Variants in ANKS1B observed in about 807,000 individuals in gnomAD.
ANKS1B encodes ankyrin repeat and sterile alpha motif domain-containing protein 1B.
Under a neutral mutation model 148.3 loss-of-function variants are expected in ANKS1B, and 36 were observed. The observed-to-expected ratio is 0.24, with a 90% CI of 0.19 to 0.32. The LOEUF is 0.32. Ranked by LOEUF, ANKS1B falls within the 10% of genes least tolerant of loss-of-function variation. ANKS1B has a pLI of 1.00. For missense variants in ANKS1B, 1,157 were observed against 1,542.6 expected (o/e 0.75, Z 4.19); for synonymous variants, 542 against 560.8 (o/e 0.97, Z 0.47).
At chr12:99,521,770 G>C (rs1000011691) in intron 9 of ANKS1B, among the ~76,000 whole-genome samples, 15 of 152,010 alleles carry the variant, frequency 9.9e-5, no homozygotes, top group Non-Finnish European at 1.9e-4. Flanking sequence ...CTGGAACTTG[G>C]GGTATGGTGA....
At chr12:98,963,137 G>A (rs1472455470) in intron 17 of ANKS1B, among the ~76,000 whole-genome samples, 1 of 151,318 alleles carries the variant, frequency 6.6e-6, no homozygotes, top group Non-Finnish European at 1.5e-5. Flanking sequence ...CAATATGAAA[G>A]ATCAATGAAA....
chr12:98,879,163 C>T (rs747837900), intron 17 of ANKS1B, among the ~76,000 whole-genome samples: 4 of 152,146 alleles, frequency 2.6e-5, no homozygotes, highest in African/African-American at 9.7e-5. Context: ...GATGTATTGA[C>T]CTTTGTGGAC....
intron 14 of ANKS1B, among the ~76,000 whole-genome samples, chr12:99,194,017 G>A (rs1217835159): frequency 1.3e-5 from 2 of 151,566 alleles, no homozygotes; most frequent in Non-Finnish European, 2.9e-5. Context: ...GGCCAGGATG[G>A]TCTCAATCTC....
chr12:99,146,754 C>T (rs925995409), intron 15 of ANKS1B, among the ~76,000 whole-genome samples: 1 of 152,076 alleles, frequency 6.6e-6, no homozygotes, highest in Non-Finnish European at 1.5e-5. Flanking sequence ...TGTCCTTCCT[C>T]GGTATCTGCT....
intron 1 of ANKS1B, among the ~76,000 whole-genome samples, chr12:99,958,816 C>T (rs558282401): frequency 6.6e-5 from 10 of 152,156 alleles, no homozygotes; most frequent in Non-Finnish European, 1.5e-4. Flanking sequence ...TCAGGCATGG[C>T]TCTAGAGTTT....
chr12:99,178,891 A>G (rs1033909014), intron 14 of ANKS1B, among the ~76,000 whole-genome samples: 67 of 152,226 alleles, frequency 4.4e-4, no homozygotes, highest in African/African-American at 1.4e-3. Flanking sequence ...CCAAAACCAG[A>G]TATCTCTTCA....
At chr12:99,604,338 A>G (rs2097832337) in intron 9 of ANKS1B, among the ~76,000 whole-genome samples, 1 of 152,154 alleles carries the variant, frequency 6.6e-6, no homozygotes, top group East Asian at 1.9e-4. Context: ...CTTCCCATAT[A>G]ATTTAGCATA....
At chr12:99,782,231 G>T in intron 4 of ANKS1B, 134 bp from the exon 5 acceptor site, 1 of 715,806 alleles carries the variant, frequency 1.4e-6, no homozygotes, top group Non-Finnish European at 2.3e-6. Context: ...GAAAGGTCAT[G>T]TGGAATAAAG....
At chr12:98,920,983 T>C (rs916958116) in intron 17 of ANKS1B, among the ~76,000 whole-genome samples, 15 of 152,216 alleles carry the variant, frequency 9.9e-5, no homozygotes, top group Admixed American at 2.6e-4. Context: ...TCAATACATG[T>C]ATATAATTTA....
chr12:99,279,117 T>C (rs905917903), intron 12 of ANKS1B, among the ~76,000 whole-genome samples: 3 of 152,188 alleles, frequency 2.0e-5, no homozygotes, highest in Admixed American at 1.3e-4. Context: ...ACTGACTGGC[T>C]CCAGGCTGGC....
At chr12:99,497,592 G>A (rs1325063850) in intron 10 of ANKS1B, among the ~76,000 whole-genome samples, 1 of 152,050 alleles carries the variant, frequency 6.6e-6, no homozygotes, top group Non-Finnish European at 1.5e-5. Context: ...CTGTCTCTGG[G>A]TCTAAATTTC....
At chr12:99,358,334 T>G (rs1314644415) in intron 12 of ANKS1B, among the ~76,000 whole-genome samples, 1 of 152,146 alleles carries the variant, frequency 6.6e-6, no homozygotes, top group African/African-American at 2.4e-5. Context: ...CATTGAAATT[T>G]ATTTTACCCC....
intron 9 of ANKS1B, among the ~76,000 whole-genome samples, chr12:99,641,925 T>A (rs1489665863): frequency 6.6e-6 from 1 of 152,100 alleles, no homozygotes; most frequent in African/African-American, 2.4e-5. Context: ...ATGCAAACTA[T>A]AAAAGTATAA....
At chr12:99,393,292 G>C (rs916078095) in intron 12 of ANKS1B, among the ~76,000 whole-genome samples, 2 of 152,158 alleles carry the variant, frequency 1.3e-5, no homozygotes, top group Non-Finnish European at 2.9e-5. Flanking sequence ...TCATTCAAAG[G>C]TTTCACATGA....
At chr12:99,183,110 G>T (rs894536722) in intron 14 of ANKS1B, among the ~76,000 whole-genome samples, 13 of 152,080 alleles carry the variant, frequency 8.5e-5, no homozygotes, top group Non-Finnish European at 2.9e-5. Context: ...CACTCTATGG[G>T]TTATTAATTA....
intron 1 of ANKS1B, among the ~76,000 whole-genome samples, chr12:99,869,968 T>A (rs1297611506): frequency 6.6e-6 from 1 of 152,202 alleles, no homozygotes; most frequent in Admixed American, 6.5e-5. Flanking sequence ...TTATTTTAGA[T>A]TCGGGGTAGA....
intron 10 of ANKS1B, among the ~76,000 whole-genome samples, chr12:99,499,241 A>G (rs1378374082): frequency 1.3e-5 from 2 of 152,032 alleles, no homozygotes; most frequent in African/African-American, 4.8e-5. Context: ...TAAATTCTGG[A>G]CTCCTTTACC....
At chr12:99,834,377 T>C (rs1221286376) in intron 1 of ANKS1B, among the ~76,000 whole-genome samples, 1 of 152,230 alleles carries the variant, frequency 6.6e-6, no homozygotes, top group Admixed American at 6.5e-5. Flanking sequence ...TGCCTACTTG[T>C]CAATATCTTA....
chr12:99,907,927 T>G (rs150308441), intron 1 of ANKS1B, among the ~76,000 whole-genome samples: 2 of 151,124 alleles, frequency 1.3e-5, no homozygotes, highest in East Asian at 3.9e-4. Context: ...TAAAGCAACA[T>G]GATAACAAAT....
Sources: gnomAD v4.1 joint callset for allele counts (sites outside exome capture counted in the v4.1 genomes callset) on GRCh38, gnomAD v4.1.1 for gene constraint, MANE v1.5 for transcripts, NCBI Gene and HGNC (gene_info 2026-07-23, HGNC 2026-07-21) for gene names.